The following NTF3 variants were observed in gnomAD, a reference collection of about 807,000 sequenced individuals.
The protein encoded by NTF3 is neurotrophin 3.
A neutral mutation model predicts 26.3 loss-of-function variants in NTF3; 8 were observed. That is an observed-to-expected ratio of 0.30 (90% CI 0.18 to 0.55). NTF3 has a LOEUF of 0.55. NTF3 is among the 20% of genes least tolerant of loss of function. The pLI is 0.93. For synonymous variants in NTF3, 154 were observed against 145.5 expected, an observed-to-expected ratio of 1.06 and a Z score of -0.42; for missense variants, 276 against 352.9, an observed-to-expected ratio of 0.78 and a Z score of 1.75.
chr12:5,451,781 A>G (rs1940376148), intron 1 of NTF3, among the ~76,000 whole-genome samples: 1 of 152,044 alleles, frequency 6.6e-6, no homozygotes, highest in African/African-American at 2.4e-5. Context: ...GCAACCTCCA[A>G]TTCCTGGGCT....
At chr12:5,477,790 G>T (rs1317892084) in intron 1 of NTF3, among the ~76,000 whole-genome samples, 2 of 152,146 alleles carry the variant, frequency 1.3e-5, no homozygotes. Context: ...CATATAATGA[G>T]AATTTAGGAT....
At chr12:5,484,068 A>C (rs1450002046) in intron 1 of NTF3, among the ~76,000 whole-genome samples, 1 of 152,164 alleles carries the variant, frequency 6.6e-6, no homozygotes, top group Non-Finnish European at 1.5e-5. Flanking sequence ...AGGAAACCCT[A>C]TTGGTAGGTG....
chr12:5,443,106 A>C (rs895960913), intron 1 of NTF3, among the ~76,000 whole-genome samples: 6 of 152,192 alleles, frequency 3.9e-5, no homozygotes, highest in African/African-American at 1.4e-4. Context: ...GAGGCTTCTA[A>C]GAGCTGCGCG....
chr12:5,477,035 C>A (rs901509642), intron 1 of NTF3, among the ~76,000 whole-genome samples: 6 of 152,086 alleles, frequency 3.9e-5, no homozygotes, highest in African/African-American at 1.4e-4. Flanking sequence ...GAAAAAACAT[C>A]TCTCTAGGAA....
chr12:5,465,520 C>G (rs1415329464), intron 1 of NTF3, among the ~76,000 whole-genome samples: 2 of 152,248 alleles, frequency 1.3e-5, no homozygotes, highest in African/African-American at 2.4e-5. Context: ...AAGAGAACTA[C>G]TATTTATTGG....
At position 5,433,504 on chromosome 12, in the gene NTF3, C is replaced by G. The variant is rs1462607712; in HGVS notation, c.18+1162C>G. Among the ~76,000 whole-genome samples, 3 of 151,854 alleles carry G rather than the reference C, an allele frequency of 2.0e-5. No homozygotes were observed. Among genetic ancestry groups the G allele is most frequent in the African/African-American group, 7.3e-5 (3 of 41,332 alleles). ...GGAGTAGGATTCTGCTTGTTGCTCTCCGCGGGAGTGGGTGCGCGTCCAGGA... is the reference window on the plus strand; with the variant it reads ...GGAGTAGGATTCTGCTTGTTGCTCTGCGCGGGAGTGGGTGCGCGTCCAGGA... On this transcript the variant is annotated intron_variant, in intron 1 of 1. Transcript: ENST00000423158. The surrounding 1 kb of genome is among the most constrained non-coding windows in gnomAD (Gnocchi z 4.6).
In NTF3 at chr12:5,456,215, C is replaced by G. The variant is rs548430566; in HGVS notation, c.18+23873C>G. ...GCTTTAAATGCGAGTGGCATCATCC[C>G]CTTCCGGTCACCATGGCAACCAGAA... On this transcript the variant is annotated intron_variant, in intron 1 of 1. Coordinates refer to ENST00000423158, the MANE Select transcript of NTF3 (RefSeq NM_001102654.2). The surrounding 1 kb of genome is among the most constrained non-coding windows in gnomAD (Gnocchi z 4.4). Among the ~76,000 whole-genome samples the G allele has an allele frequency of 3.0e-4, 45 of 152,316 alleles. No homozygotes were observed. The highest frequency in any genetic ancestry group is 9.6e-4 in the African/African-American group (40 of 41,566).
intron 1 of NTF3, 195 bp from the exon 2 acceptor site, chr12:5,493,999 A>G: frequency 1.7e-6 from 1 of 600,830 alleles, no homozygotes; most frequent in Admixed American, 3.0e-5. Flanking sequence ...CCTGGAGTGC[A>G]TTCGCAGTAT....
At chr12:5,486,975 G>A (rs7300613) in intron 1 of NTF3, among the ~76,000 whole-genome samples, 66,186 of 151,682 alleles carry the variant, frequency 0.44, 14,495 homozygotes, top group South Asian at 0.51. Context: ...ATGAGTGTGA[G>A]TTACCAAAAC....
At chr12:5,467,506 C>G (rs1940608018) in intron 1 of NTF3, among the ~76,000 whole-genome samples, 1 of 152,148 alleles carries the variant, frequency 6.6e-6, no homozygotes, top group Admixed American at 6.5e-5. Context: ...AGGACATATT[C>G]CCTTGAGTGT....
chr12:5,461,605 G>A (rs912938008), intron 1 of NTF3, among the ~76,000 whole-genome samples: 3 of 151,712 alleles, frequency 2.0e-5, no homozygotes, highest in Admixed American at 6.6e-5. Flanking sequence ...CCACCCTCCC[G>A]CCATGTCCTC....
chr12:5,445,182 G>A (rs1303343971), intron 1 of NTF3, among the ~76,000 whole-genome samples: 1 of 152,114 alleles, frequency 6.6e-6, no homozygotes, highest in African/African-American at 2.4e-5. Flanking sequence ...CCTTTTCATA[G>A]GCTCATCGTG....
At position 5,495,175 on chromosome 12, in the gene NTF3, A is replaced by G. The variant is rs1940993474; in HGVS notation, c.*187A>G. The G allele has an allele frequency of 3.2e-6, 2 of 634,704 alleles. No homozygotes were observed. The highest frequency in any genetic ancestry group is 3.7e-5 in the African/African-American group (2 of 54,288). The allele number at this position is 634,704 out of a possible 1,614,324, so 39.3% of individuals were successfully genotyped here. On this transcript the variant is annotated 3_prime_UTR_variant, in exon 2 of 2. Transcript: ENST00000423158. The stretch of plus-strand genomic sequence containing the variant: ...GCTTGCCTTCCCTCAGGCCTCTCCC[A>G]TCTGTTAAAACTTGTTTTGTGATCC...
intron 1 of NTF3, among the ~76,000 whole-genome samples, chr12:5,436,924 A>G (rs148088552): frequency 1.3e-5 from 2 of 152,370 alleles, no homozygotes; most frequent in Admixed American, 1.3e-4. Context: ...AACATCAGCT[A>G]TGCAGACCAC....
At chr12:5,448,925 A>C (rs1188240522) in intron 1 of NTF3, among the ~76,000 whole-genome samples, 1 of 152,224 alleles carries the variant, frequency 6.6e-6, no homozygotes, top group East Asian at 1.9e-4. Context: ...TCGGCAACGC[A>C]CTTCTGAGTT....
At chr12:5,447,786 T>A (rs754722929) in intron 1 of NTF3, among the ~76,000 whole-genome samples, 1 of 152,226 alleles carries the variant, frequency 6.6e-6, no homozygotes, top group Non-Finnish European at 1.5e-5. Flanking sequence ...GACAAGACAC[T>A]GCCATACCTA....
In NTF3 at chr12:5,480,290, A is replaced by G. The variant is rs115199182; in HGVS notation, c.19-13904A>G. ...TTTGCATTCGCAACGGGAACATTGG[A>G]AGTTCGGGTGGAAAAACAATCCCAC... On this transcript the variant is annotated intron_variant, in intron 1 of 1. Coordinates refer to ENST00000423158, the MANE Select transcript of NTF3 (RefSeq NM_001102654.2). Among the ~76,000 whole-genome samples, 643 of 152,252 alleles carry G rather than the reference A, an allele frequency of 4.2e-3. 10 individuals carry two copies. The highest frequency in any genetic ancestry group is 0.015 in the African/African-American group (609 of 41,526).
chr12:5,482,983 C>G (rs954508794), intron 1 of NTF3, among the ~76,000 whole-genome samples: 2 of 151,802 alleles, frequency 1.3e-5, no homozygotes, highest in African/African-American at 4.8e-5. Flanking sequence ...TTCTCTGTCT[C>G]AGTCCCTTTC....
At chr12:5,471,059 T>C (rs1439374608) in intron 1 of NTF3, among the ~76,000 whole-genome samples, 2 of 152,142 alleles carry the variant, frequency 1.3e-5, no homozygotes, top group Admixed American at 6.5e-5. Flanking sequence ...CCCCTACTAC[T>C]AGATCTTACA....
Sources: allele counts gnomAD v4.1 joint callset (sites outside exome capture counted in the v4.1 genomes callset), GRCh38; gene constraint gnomAD v4.1.1; non-coding constraint Gnocchi (gnomAD v3.1); transcripts MANE v1.5; gene names NCBI Gene and HGNC (gene_info 2026-07-23, HGNC 2026-07-21).